RBPMS: variants seen among roughly 807,000 people sequenced by gnomAD.
The protein encoded by RBPMS is RNA-binding protein with multiple splicing.
Under a neutral mutation model 26.8 loss-of-function variants are expected in RBPMS, and 7 were observed. That is an observed-to-expected ratio of 0.26 (90% CI 0.15 to 0.49). RBPMS has a LOEUF of 0.49. Ranked by LOEUF, RBPMS falls within the 20% of genes least tolerant of loss-of-function variation. RBPMS has a pLI of 0.98. For missense variants in RBPMS, 186 were observed against 250.0 expected (o/e 0.74, Z 1.73); for synonymous variants, 96 against 93.3 (o/e 1.03, Z -0.17).
chr8:30,558,679 T>C (rs1007030883), intron 6 of RBPMS: 1 of 627,712 alleles, frequency 1.6e-6, no homozygotes, highest in African/African-American at 1.8e-5. Context: ...CTCAGAGAGC[T>C]TGCCTGTGTG....
chr8:30,505,919 C>T lies in RBPMS; in HGVS notation c.397+1483C>T, dbSNP rs116981668. Among the ~76,000 whole-genome samples the T allele has an allele frequency of 2.8e-4, 43 of 152,156 alleles. No individual in the cohort carries two copies. The East Asian group carries it at 7.5e-3, about 27-fold the overall frequency. ...AAAAATAACCTAAAGTAATTCTTTGCCTTTTTAGTGAATTTGCCAGCCTCA... is the reference window on the plus strand; with the variant it reads ...AAAAATAACCTAAAGTAATTCTTTGTCTTTTTAGTGAATTTGCCAGCCTCA... On this transcript the variant is annotated intron_variant, in intron 5 of 8. Transcript: ENST00000397323.
At chr8:30,444,137 C>T (rs977324817) in intron 1 of RBPMS, among the ~76,000 whole-genome samples, 5 of 152,092 alleles carry the variant, frequency 3.3e-5, no homozygotes, top group African/African-American at 1.2e-4. Flanking sequence ...CTCAAGTGAT[C>T]CTCCGGCCTT....
intron 1 of RBPMS, among the ~76,000 whole-genome samples, chr8:30,433,982 T>A (rs1332054855): frequency 7.2e-5 from 11 of 152,162 alleles, no homozygotes; most frequent in Non-Finnish European, 5.9e-5. Context: ...TGGATAAACC[T>A]ACATTTCATT....
intron 4 of RBPMS, among the ~76,000 whole-genome samples, chr8:30,487,140 GTCTTAATCTTAATGTCT>G (rs1818874654): frequency 6.6e-6 from 1 of 152,216 alleles, no homozygotes; most frequent in African/African-American, 2.4e-5. Flanking sequence ...GAACCAAGAA[GTCTTAATCTTAATGTCT>G]TGACTGTCTT....
intron 1 of RBPMS, among the ~76,000 whole-genome samples, chr8:30,417,960 T>C (rs1182071074): frequency 1.3e-5 from 2 of 152,354 alleles, no homozygotes; most frequent in Middle Eastern, 3.4e-3. Context: ...ATAGTTGATA[T>C]GTGTTACCAT....
rs1806820867 is a variant in RBPMS, at chr8:30,384,896, C to CCGT, written c.-194_-192dup. The CCGT allele has an allele frequency of 2.8e-6, 1 of 363,378 alleles. No individual in the cohort carries two copies. The highest frequency in any genetic ancestry group is 4.5e-5 in the East Asian group (1 of 22,414). The allele number at this position is 363,378 out of a possible 1,614,324, so 22.5% of individuals were successfully genotyped here. A position where few individuals can be genotyped will look rare whatever the true frequency, so the allele number is the denominator to read the frequency against. On this transcript the variant is annotated 5_prime_UTR_variant, in exon 1 of 9. Transcript: ENST00000397323. The surrounding 1 kb of genome is among the most constrained non-coding windows in gnomAD (Gnocchi z 5.6). The stretch of plus-strand genomic sequence containing the variant: ...GCACTTCCTGAGTCGCCCGCCGCCG[C>CCGT]CGTCGCAGACTCGCCGCGGGAGCCC...
intron 5 of RBPMS, among the ~76,000 whole-genome samples, chr8:30,511,471 GA>G (rs1188894079): frequency 0.01 from 112 of 11,180 alleles, no homozygotes; most frequent in African/African-American, 0.019. Flanking sequence ...AACAAAAAAA[GA>G]AAAAAAAAAA....
intron 6 of RBPMS, among the ~76,000 whole-genome samples, chr8:30,551,786 A>G (rs921293852): frequency 1.6e-4 from 24 of 152,174 alleles, no homozygotes; most frequent in Non-Finnish European, 2.9e-4. Context: ...ACCTGATTTT[A>G]ATGACAGTTT....
At chr8:30,472,117 T>C (rs1015951309) in intron 1 of RBPMS, among the ~76,000 whole-genome samples, 2 of 152,214 alleles carry the variant, frequency 1.3e-5, no homozygotes, top group Admixed American at 6.5e-5. Context: ...TGAATGTTCA[T>C]AGCCATTTTA....
At chr8:30,460,849 G>C (rs1815799006) in intron 1 of RBPMS, among the ~76,000 whole-genome samples, 1 of 152,098 alleles carries the variant, frequency 6.6e-6, no homozygotes, top group Admixed American at 6.6e-5. Flanking sequence ...TTGAGCTCAG[G>C]AGTTCGATAA....
chr8:30,553,210 T>C (rs1826542976), intron 6 of RBPMS: 1 of 152,224 alleles, frequency 6.6e-6, no homozygotes, highest in Non-Finnish European at 1.5e-5. Context: ...CTGCCGATTC[T>C]GGGGGGCAGG....
rs1301997908 is a variant in RBPMS at position 30,570,894 on chromosome 8, T to TTAAGTATGCTGGGATGGACGATCTTAC, written c.*370_*396dup. ...AGTGAGTATTTTTATACCAAACATT[T>TTAAGTATGCTGGGATGGACGATCTTAC]TAAGTATGCTGGGATGGACGATCTT... On this transcript the variant is annotated 3_prime_UTR_variant, in exon 9 of 9. Coordinates refer to ENST00000397323, the MANE Select transcript of RBPMS (RefSeq NM_001008710.3). 2 of 152,184 alleles carry TTAAGTATGCTGGGATGGACGATCTTAC rather than the reference T, an allele frequency of 1.3e-5. No homozygotes were observed. The highest frequency in any genetic ancestry group is 3.8e-4 in the East Asian group (2 of 5,202). The allele number at this position is 152,184 out of a possible 1,614,324, so 9.4% of individuals were successfully genotyped here.
chr8:30,513,791 TTTCTC>T (rs1821990881), intron 5 of RBPMS, among the ~76,000 whole-genome samples: 1 of 152,128 alleles, frequency 6.6e-6, no homozygotes, highest in African/African-American at 2.4e-5. Flanking sequence ...TTGATGACCA[TTTCTC>T]ACCTCACTTG....
chr8:30,513,433 C>G (rs1184651361), intron 5 of RBPMS, among the ~76,000 whole-genome samples: 1 of 151,470 alleles, frequency 6.6e-6, no homozygotes, highest in Non-Finnish European at 1.5e-5. Flanking sequence ...ACTAAAAATA[C>G]AAAAAATTAG....
At position 30,414,959 on chromosome 8, in the gene RBPMS, G is replaced by A. The variant is rs551956724; in HGVS notation, c.66+29801G>A. ...TGGCTTGTAAATGATAGTGTTCCTT[G>A]GCACTCCGTCCTGCCTCTTCATTTC... On this transcript the variant is annotated intron_variant, in intron 1 of 8. Coordinates refer to ENST00000397323, the MANE Select transcript of RBPMS (RefSeq NM_001008710.3). Among the ~76,000 whole-genome samples, 6 of 151,720 alleles carry A rather than the reference G, an allele frequency of 4.0e-5. No homozygotes were observed. The South Asian group carries it at 1.3e-3, about 32-fold the overall frequency.
chr8:30,526,842 C>A (rs1306978782), intron 5 of RBPMS, among the ~76,000 whole-genome samples: 1 of 152,106 alleles, frequency 6.6e-6, no homozygotes. Flanking sequence ...TATTGCAGAT[C>A]TGGAAGAAGG....
At chr8:30,513,028 G>A (rs1821893135) in intron 5 of RBPMS, among the ~76,000 whole-genome samples, 1 of 149,732 alleles carries the variant, frequency 6.7e-6, no homozygotes, top group Non-Finnish European at 1.5e-5. Flanking sequence ...TTTGGGAAGA[G>A]GTGGTAGTGA....
intron 7 of RBPMS, among the ~76,000 whole-genome samples, chr8:30,561,470 A>G (rs1222892468): frequency 6.6e-6 from 1 of 152,184 alleles, no homozygotes; most frequent in Non-Finnish European, 1.5e-5. Flanking sequence ...GTGTTCAGCT[A>G]GAGGTGCCGA....
intron 8 of RBPMS, among the ~76,000 whole-genome samples, chr8:30,569,389 C>T (rs1403596083): frequency 3.9e-5 from 6 of 152,124 alleles, no homozygotes; most frequent in Non-Finnish European, 8.8e-5. Flanking sequence ...TCAGTGAGAA[C>T]CCCTGTGAGG....
Sources: allele counts gnomAD v4.1 joint callset (sites outside exome capture counted in the v4.1 genomes callset), GRCh38; gene constraint gnomAD v4.1.1; non-coding constraint Gnocchi (gnomAD v3.1); transcripts MANE v1.5; gene names NCBI Gene and HGNC (gene_info 2026-07-23, HGNC 2026-07-21).